Variants in PTK2B observed in about 807,000 individuals in gnomAD.
PTK2B encodes protein-tyrosine kinase 2-beta.
In PTK2B, 71 loss-of-function variants were observed where a neutral mutation model predicts 142.9. The ratio of observed to expected loss-of-function variants is 0.50; its 90% confidence interval spans 0.41 to 0.61. PTK2B has a LOEUF of 0.61. Among genes scored for constraint, PTK2B ranks in the 20% least tolerant of loss-of-function variants. PTK2B has a pLI of 0.00. For synonymous variants in PTK2B, 519 were observed against 503.4 expected (o/e 1.03, Z -0.42); for missense variants, 1,105 against 1,320.4 (o/e 0.84, Z 2.53).
upstream of PTK2B, chr8:27,310,943 G>A (rs1278773656): frequency 2.5e-6 from 4 of 1,612,518 alleles, no homozygotes; most frequent in Non-Finnish European, 3.4e-6. Context: ...GCAGACACGC[G>A]AGAAGCGGTA....
chr8:27,386,672 G>A (rs1023195722), intron 1 of PTK2B, among the ~76,000 whole-genome samples: 5 of 152,052 alleles, frequency 3.3e-5, no homozygotes, highest in African/African-American at 9.7e-5. Flanking sequence ...ATTGGGGCTC[G>A]GTCATGTTGA....
intron 1 of PTK2B, among the ~76,000 whole-genome samples, chr8:27,378,601 CTGTGTGTGTGTGTGTGTGTGTG>C (rs58485965): frequency 1.7e-4 from 25 of 148,280 alleles, no homozygotes; most frequent in East Asian, 8.2e-4. Context: ...TACAGCTTAT[CTGTGTGTGTGTGTGTGTGTGTG>C]TGTGTGTGTG....
upstream of PTK2B, chr8:27,322,465 G>T (rs1470317700): frequency 6.6e-6 from 1 of 152,088 alleles, no homozygotes; most frequent in Non-Finnish European, 1.5e-5. Context: ...GAAAGTTCTT[G>T]GCACAGAGTG....
In PTK2B at chr8:27,440,422, G is replaced by C. The variant is rs780654139; in HGVS notation, c.2020G>C (p.Glu674Gln). The change falls in exon 21 of 31, where the codon GAG (glutamate) becomes CAG (glutamine). Residue 674 changes from glutamate (E) to glutamine (Q), a missense_variant. Glu to Gln is a conservative substitution (Grantham distance 29). Transcript: ENST00000346049. ...CCCCAGTGACCGGCCCCGCTTCACCGAGCTGGTGTGCAGCCTCAGGTGAGC... is the reference window on the plus strand; with the variant it reads ...CCCCAGTGACCGGCCCCGCTTCACCCAGCTGGTGTGCAGCCTCAGGTGAGC... Reference protein sequence around the residue: ...YDPSDRPRFTELVCSLSDVYQ... With the variant: ...YDPSDRPRFTQLVCSLSDVYQ... The C allele has an allele frequency of 1.4e-5, 22 of 1,613,764 alleles. 1 individual carries two copies. The South Asian group carries it at 2.4e-4, about 18-fold the overall frequency.
chr8:27,405,819 GA>G (rs1476007544), intron 2 of PTK2B, among the ~76,000 whole-genome samples: 3 of 152,206 alleles, frequency 2.0e-5, no homozygotes, highest in Non-Finnish European at 4.4e-5. Context: ...ACGTCAAAAT[GA>G]ATGCTTTCAG....
chr8:27,416,821 G>A (rs1398119464), intron 2 of PTK2B, among the ~76,000 whole-genome samples: 1 of 152,144 alleles, frequency 6.6e-6, no homozygotes, highest in African/African-American at 2.4e-5. Context: ...CTTTACAGAG[G>A]AAGGTATATG....
At position 27,433,277 on chromosome 8, in the gene PTK2B, C is replaced by CA. The variant is rs145465715; in HGVS notation, c.988-157dup. On this transcript the variant is annotated intron_variant, in intron 10 of 30. Coordinates refer to ENST00000346049, the MANE Select transcript of PTK2B (RefSeq NM_173176.3). ...TACAGGTGAAAGGGGTGACAGAGTG[C>CA]AGTCTGGACTCCAGGGCAGGGCCCC... 2,620 of 654,340 alleles carry CA rather than the reference C, an allele frequency of 4.0e-3. 55 individuals carry two copies. The African/African-American group carries it at 0.043, about 11-fold the overall frequency. 40.5% of individuals were successfully genotyped at this position (654,340 alleles called of 1,614,324 possible).
chr8:27,363,799 GAC>G lies in PTK2B; in HGVS notation c.-37-33747_-37-33746del. On this transcript the variant is annotated intron_variant, in intron 1 of 30. Coordinates refer to ENST00000346049, the MANE Select transcript of PTK2B (RefSeq NM_173176.3). This position sits in a 1 kb window ranked among gnomAD's most constrained non-coding sequence, Gnocchi z 4.3. ...TGTGACAGTCACTTGGCGTTCCTGGGACATGTTCATGTGAATTCTCACCGGTG... is the reference window on the plus strand; with the variant it reads ...TGTGACAGTCACTTGGCGTTCCTGGGATGTTCATGTGAATTCTCACCGGTG... Among the ~76,000 whole-genome samples, 1 of 152,172 alleles carries G rather than the reference GAC, an allele frequency of 6.6e-6. No individual in the cohort carries two copies.
chr8:27,411,192 C>T (rs1051639051), intron 2 of PTK2B, among the ~76,000 whole-genome samples: 2 of 152,134 alleles, frequency 1.3e-5, no homozygotes, highest in Non-Finnish European at 2.9e-5. Flanking sequence ...TCAGTGGTAG[C>T]GGTCAGGGAG....
At chr8:27,366,446 A>G (rs1033315791) in intron 1 of PTK2B, among the ~76,000 whole-genome samples, 1 of 152,242 alleles carries the variant, frequency 6.6e-6, no homozygotes, top group Non-Finnish European at 1.5e-5. Context: ...ATGTGGTGCC[A>G]TGTTGGCCTT....
At position 27,451,035 on chromosome 8, in the gene PTK2B, C is replaced by T. The variant is rs1176847391; in HGVS notation, c.2488-8C>T. On this transcript the variant is annotated splice_polypyrimidine_tract_variant and splice_region_variant and intron_variant, in intron 25 of 30. Coordinates refer to ENST00000346049, the MANE Select transcript of PTK2B (RefSeq NM_173176.3). ...CTTAGTCCTTCGCTCTTGTTTCTTCCTCTGCAGGACCCCATGGTTTATATG... is the reference window on the plus strand; with the variant it reads ...CTTAGTCCTTCGCTCTTGTTTCTTCTTCTGCAGGACCCCATGGTTTATATG... 5 of 1,612,466 alleles carry T rather than the reference C, an allele frequency of 3.1e-6. No homozygotes were observed. The highest frequency in any genetic ancestry group is 2.2e-5 in the South Asian group (2 of 91,052).
chr8:27,370,864 AAG>A (rs747136661), intron 1 of PTK2B, among the ~76,000 whole-genome samples: 68 of 152,146 alleles, frequency 4.5e-4, no homozygotes, highest in Non-Finnish European at 7.8e-4. Flanking sequence ...CTTATTTTTA[AAG>A]AGAAAACTGT....
At chr8:27,377,237 T>C (rs1806726806) in intron 1 of PTK2B, among the ~76,000 whole-genome samples, 1 of 152,174 alleles carries the variant, frequency 6.6e-6, no homozygotes, top group African/African-American at 2.4e-5. Context: ...AATATGCAGA[T>C]GCTTGAAGGA....
chr8:27,367,801 A>G lies in PTK2B; in HGVS notation c.-37-29747A>G, dbSNP rs113857344. 7.2e-3 allele frequency among the ~76,000 whole-genome samples: 1,095 copies of G among 152,290 alleles called. 10 individuals are homozygous for G. Among genetic ancestry groups the G allele is most frequent in the African/African-American group, 0.024 (984 of 41,558 alleles). Reference sequence around the variant, plus strand: ...GGAGGTGCCAGCCTCCTTTTTAAACAATCAGATCTCACATGAACTCATTAA... The same window carrying G: ...GGAGGTGCCAGCCTCCTTTTTAAACGATCAGATCTCACATGAACTCATTAA... On this transcript the variant is annotated intron_variant, in intron 1 of 30. Transcript: ENST00000346049.
At position 27,422,331 on chromosome 8, in the gene PTK2B, G is replaced by T. The variant is rs375270527; in HGVS notation, c.499G>T (p.Ala167Ser). Residue 167 changes from alanine to serine, a missense_variant, in exon 5 of 31, where the codon GCC becomes TCC. Physicochemically the swap from Ala to Ser is moderately conservative, Grantham distance 99 (BLOSUM62 1). Transcript: ENST00000346049. ...CCGGAACGACTACATGCAGCGCTAC[G>T]CCAGCAAGGTCAGCGAGGGCATGGC... Reference protein sequence around the residue: ...QLRNDYMQRYASKVSEGMALQ... With the variant: ...QLRNDYMQRYSSKVSEGMALQ... 3.5e-5 allele frequency: 57 copies of T among 1,613,610 alleles called. No individual in the cohort carries two copies. Among genetic ancestry groups the T allele is most frequent in the Non-Finnish European group, 4.5e-5 (53 of 1,179,818 alleles).
intron 1 of PTK2B, among the ~76,000 whole-genome samples, chr8:27,360,920 G>A (rs1425950408): frequency 2.6e-5 from 4 of 152,132 alleles, no homozygotes; most frequent in South Asian, 2.1e-4. Flanking sequence ...AATGGTCAGT[G>A]GGGTGATGTC....
At chr8:27,416,783 A>C (rs1809426656) in intron 2 of PTK2B, among the ~76,000 whole-genome samples, 1 of 152,228 alleles carries the variant, frequency 6.6e-6, no homozygotes, top group South Asian at 2.1e-4. Flanking sequence ...ACACAACAGA[A>C]AAAATGGGGA....
intron 1 of PTK2B, among the ~76,000 whole-genome samples, chr8:27,348,313 C>T (rs1159209365): frequency 7.2e-5 from 11 of 152,262 alleles, no homozygotes; most frequent in Admixed American, 5.9e-4. Context: ...GCGGGAGTAC[C>T]GTGGTCTCTG....
intron 4 of PTK2B, 55 bp from the exon 5 acceptor site, chr8:27,422,249 C>G: frequency 6.5e-7 from 1 of 1,543,880 alleles, no homozygotes; most frequent in Non-Finnish European, 8.8e-7. Flanking sequence ...GGCCTCTGTG[C>G]AGGGAAGTGG....
Sources: allele counts gnomAD v4.1 joint callset (sites outside exome capture counted in the v4.1 genomes callset), GRCh38; gene constraint gnomAD v4.1.1; non-coding constraint Gnocchi (gnomAD v3.1); transcripts MANE v1.5; gene names NCBI Gene and HGNC (gene_info 2026-07-23, HGNC 2026-07-21).